TP53BP1: variants seen among roughly 807,000 people sequenced by gnomAD.
TP53BP1 encodes tumor protein p53 binding protein 1, also known as TP53-binding protein 1.
A neutral mutation model predicts 200.8 loss-of-function variants in TP53BP1; 61 were observed. That is an observed-to-expected ratio of 0.30 (90% CI 0.25 to 0.38). TP53BP1 has a LOEUF of 0.38. TP53BP1 is among the 10% of genes least tolerant of loss of function. The pLI is 1.00. For missense variants in TP53BP1, 2,144 were observed against 2,371.9 expected, an observed-to-expected ratio of 0.90 and a Z score of 2.00; for synonymous variants, 822 against 844.3, an observed-to-expected ratio of 0.97 and a Z score of 0.46.
At chr15:43,482,005 A>T (rs544937982) in intron 4 of TP53BP1, among the ~76,000 whole-genome samples, 1 of 151,432 alleles carries the variant, frequency 6.6e-6, no homozygotes, top group South Asian at 2.1e-4. Flanking sequence ...AGGAGGGCGC[A>T]TCACGAGATC....
At chr15:43,433,798 A>G (rs2045727631) in intron 16 of TP53BP1, among the ~76,000 whole-genome samples, 1 of 152,338 alleles carries the variant, frequency 6.6e-6, no homozygotes, top group Non-Finnish European at 1.5e-5. Flanking sequence ...ATGAAGGACG[A>G]TAAGGGGCCT....
intron 12 of TP53BP1, among the ~76,000 whole-genome samples, chr15:43,448,770 AAG>A (rs2046099853): frequency 6.6e-6 from 1 of 152,102 alleles, no homozygotes; most frequent in African/African-American, 2.4e-5. Context: ...TGAGGAGATA[AAG>A]AGAGAAAAAG....
Position 43,404,042 on chromosome 15 carries a change from TG to T in TP53BP1, c.*3340del. On this transcript the variant is annotated 3_prime_UTR_variant, in exon 28 of 28. Coordinates refer to ENST00000382044, the MANE Select transcript of TP53BP1 (RefSeq NM_001141980.3). ...TTTATTCAGCCCATCAAATAAGCAT[TG>T]GGTTGTTCTAACTTCCTCACATCCT... The T allele has an allele frequency of 1.8e-6, 1 of 547,074 alleles. No homozygotes were observed. Among genetic ancestry groups the T allele is most frequent in the Non-Finnish European group, 3.3e-6 (1 of 307,398 alleles). 33.9% of individuals were successfully genotyped at this position (547,074 alleles called of 1,614,324 possible).
rs374968939 is a variant in TP53BP1, at chr15:43,407,343, C to T, written c.*40G>A. 1.3e-6 allele frequency: 2 copies of T among 1,586,528 alleles called. No homozygotes were observed. The highest frequency in any genetic ancestry group is 2.2e-5 in the East Asian group (1 of 44,610). ...TTAAAACCTGGTTAAAACACAATCTCCACGATAGCAGGGAATAAAACCAGT... is the reference window on the plus strand; with the variant it reads ...TTAAAACCTGGTTAAAACACAATCTTCACGATAGCAGGGAATAAAACCAGT... On this transcript the variant is annotated 3_prime_UTR_variant, in exon 28 of 28. Coordinates refer to ENST00000382044, the MANE Select transcript of TP53BP1 (RefSeq NM_001141980.3).
rs138921608 is a variant in TP53BP1 at position 43,423,061 on chromosome 15, A to G, written c.3829-935T>C. Among the ~76,000 whole-genome samples, 903 of 149,716 alleles carry G rather than the reference A, an allele frequency of 6.0e-3. 10 individuals are homozygous for G. Among genetic ancestry groups the G allele is most frequent in the African/African-American group, 0.021 (849 of 40,502 alleles). ...TGGAAAAATGAAGGACAAAAAGGTT[A>G]TAAGTATCTATAGACTACAAGAAAG... On this transcript the variant is annotated intron_variant, in intron 18 of 27. Transcript: ENST00000382044.
At position 43,406,515 on chromosome 15, in the gene TP53BP1, T is replaced by C; in HGVS notation, c.*868A>G. Reference sequence around the variant, plus strand: ...TGTTTACTCATTGTCTATGGTTGCTTTCATGCCCTCACAGCAAAGGCGAGT... The same window carrying C: ...TGTTTACTCATTGTCTATGGTTGCTCTCATGCCCTCACAGCAAAGGCGAGT... On this transcript the variant is annotated 3_prime_UTR_variant, in exon 28 of 28. Transcript: ENST00000382044. 1 of 449,368 alleles carries C rather than the reference T, an allele frequency of 2.2e-6. No homozygotes were observed. Among genetic ancestry groups the C allele is most frequent in the East Asian group, 7.0e-5 (1 of 14,362 alleles). The allele number at this position is 449,368 out of a possible 1,614,324, so 27.8% of individuals were successfully genotyped here.
intron 18 of TP53BP1, among the ~76,000 whole-genome samples, chr15:43,424,330 T>G (rs369447755): frequency 6.6e-6 from 1 of 152,224 alleles, no homozygotes; most frequent in East Asian, 1.9e-4. Flanking sequence ...CTAGTTGTTA[T>G]CCACTAACAT....
At chr15:43,411,634 T>C (rs1019030088) in intron 24 of TP53BP1, among the ~76,000 whole-genome samples, 3 of 152,252 alleles carry the variant, frequency 2.0e-5, no homozygotes, top group Non-Finnish European at 4.4e-5. Flanking sequence ...TCTGGTACTG[T>C]TGGGCTGCGC....
In TP53BP1 at chr15:43,403,706, C is replaced by G; in HGVS notation, c.*3677G>C. Reference sequence around the variant, plus strand: ...AGGTGTTTCACTGCCTGAATGAAATCCTAGATCTCTGTCACAGTTTTTGTT... The same window carrying G: ...AGGTGTTTCACTGCCTGAATGAAATGCTAGATCTCTGTCACAGTTTTTGTT... On this transcript the variant is annotated 3_prime_UTR_variant, in exon 28 of 28. Coordinates refer to ENST00000382044, the MANE Select transcript of TP53BP1 (RefSeq NM_001141980.3). 2 of 1,612,934 alleles carry G rather than the reference C, an allele frequency of 1.2e-6. No homozygotes were observed. The highest frequency in any genetic ancestry group is 1.7e-6 in the Non-Finnish European group (2 of 1,179,878).
Position 43,405,539 on chromosome 15 carries a change from T to C in TP53BP1, c.*1844A>G, listed in dbSNP as rs1454374556. On this transcript the variant is annotated 3_prime_UTR_variant, in exon 28 of 28. Coordinates refer to ENST00000382044, the MANE Select transcript of TP53BP1 (RefSeq NM_001141980.3). ...TTGGTACTGTTCAAGCTGTGGGAGA[T>C]ACAGCGGTAAACAAACAATATAGAG... 2 of 335,278 alleles carry C rather than the reference T, an allele frequency of 6.0e-6. No homozygotes were observed. Among genetic ancestry groups the C allele is most frequent in the Non-Finnish European group, 1.1e-5 (2 of 183,318 alleles). The allele number at this position is 335,278 out of a possible 1,614,324, so 20.8% of individuals were successfully genotyped here.
At chr15:43,472,730 A>G (rs1163944870) in intron 10 of TP53BP1, among the ~76,000 whole-genome samples, 1 of 152,218 alleles carries the variant, frequency 6.6e-6, no homozygotes, top group African/African-American at 2.4e-5. Flanking sequence ...TCTTCCCCAT[A>G]CTAATTCATT....
At chr15:43,422,371 G>A (rs901295371) in intron 18 of TP53BP1, among the ~76,000 whole-genome samples, 1 of 151,964 alleles carries the variant, frequency 6.6e-6, no homozygotes, top group East Asian at 1.9e-4. Context: ...GTGATTCTGA[G>A]AAGAATTGTT....
At chr15:43,502,624 T>A (rs528717740) in intron 1 of TP53BP1, among the ~76,000 whole-genome samples, 1 of 151,816 alleles carries the variant, frequency 6.6e-6, no homozygotes, top group Non-Finnish European at 1.5e-5. Context: ...CCTATTTTTT[T>A]TTTTTTTGTA....
At chr15:43,464,068 G>A (rs913751024) in intron 11 of TP53BP1, among the ~76,000 whole-genome samples, 8 of 152,192 alleles carry the variant, frequency 5.3e-5, no homozygotes, top group African/African-American at 9.6e-5. Context: ...ATGTCTCAGC[G>A]GATCACATTA....
At position 43,474,754 on chromosome 15, in the gene TP53BP1, G is replaced by A. The variant is rs1360975712; in HGVS notation, c.1099C>T (p.Leu367Phe). The A allele has an allele frequency of 6.2e-7, 1 of 1,609,656 alleles. No individual in the cohort carries two copies. Among genetic ancestry groups the A allele is most frequent in the Non-Finnish European group, 8.5e-7 (1 of 1,176,078 alleles). The stretch of plus-strand genomic sequence containing the variant: ...AAAGCATCAGGAGAAGGAGCAACAA[G>A]ATCTGAAGAATTCCTTTATATAAAG... Reference protein sequence around the residue: ...QDSLSTNSSDLVAPSPDAFRS... With the variant: ...QDSLSTNSSDFVAPSPDAFRS... The change falls in exon 10 of 28, where the codon CTT (leucine) becomes TTT (phenylalanine). Residue 367 changes from leucine (L) to phenylalanine (F), a missense_variant. By Grantham distance (22) the Leu-to-Phe change is conservative. Coordinates refer to ENST00000382044, the MANE Select transcript of TP53BP1 (RefSeq NM_001141980.3).
chr15:43,457,066 T>C lies in TP53BP1; in HGVS notation c.1542A>G (p.Thr514=), dbSNP rs758660451. The change falls in exon 12 of 28, where the codon ACA becomes ACG. Residue 514 remains threonine (T), a synonymous_variant. Transcript: ENST00000382044. ...NSPEDLGLSL[T]GDSCKLMLST... is the part of the protein sequence containing the mutation. ...AAAGCATCAACTTGCAAGAATCCCC[T>C]GTCAAAGATAGCCCAAGATCCTCAG... The C allele has an allele frequency of 1.2e-6, 2 of 1,614,208 alleles. No homozygotes were observed. Among genetic ancestry groups the C allele is most frequent in the Admixed American group, 1.7e-5 (1 of 60,026 alleles).
rs758774603 is a variant in TP53BP1, at chr15:43,479,973, G to T, written c.544C>A (p.Gln182Lys). The T allele has an allele frequency of 3.1e-6, 5 of 1,613,956 alleles. No homozygotes were observed. In the African/African-American group the frequency reaches 5.3e-5, roughly 17 times the overall value. The change falls in exon 6 of 28, where the codon CAG (glutamine) becomes AAG (lysine). Residue 182 changes from glutamine to lysine, a missense_variant. Physicochemically the swap from Gln to Lys is moderately conservative, Grantham distance 53. Coordinates refer to ENST00000382044, the MANE Select transcript of TP53BP1 (RefSeq NM_001141980.3). ...QLGFGVLELS[Q>K]SQDVEENTVP... is the part of the protein sequence containing the mutation. ...GTATTTTCCTCAACATCCTGGCTCT[G>T]GGAGAGTTCCAGAACCCCAAAACCC...
chr15:43,489,377 T>C (rs971466706), intron 4 of TP53BP1, among the ~76,000 whole-genome samples: 2 of 152,248 alleles, frequency 1.3e-5, no homozygotes, highest in Non-Finnish European at 2.9e-5. Context: ...CTGTCCCCAC[T>C]GGCTCAAACC....
chr15:43,410,235 A>AC (rs1208191208), intron 24 of TP53BP1, among the ~76,000 whole-genome samples: 1 of 152,234 alleles, frequency 6.6e-6, no homozygotes, highest in Non-Finnish European at 1.5e-5. Flanking sequence ...CAGCCTTTTT[A>AC]CCCCCTTGTA....
Sources: gnomAD v4.1 joint callset for allele counts (sites outside exome capture counted in the v4.1 genomes callset) on GRCh38, gnomAD v4.1.1 for gene constraint, MANE v1.5 for transcripts, NCBI Gene and HGNC (gene_info 2026-07-23, HGNC 2026-07-21) for gene names.